TNS3: variants seen among roughly 807,000 people sequenced by gnomAD.
TNS3 encodes the protein tensin-3.
In TNS3, 45 loss-of-function variants were observed where a neutral mutation model predicts 140.9. That is an observed-to-expected ratio of 0.32 (90% CI 0.25 to 0.41). TNS3 has a LOEUF of 0.41. Ranked by LOEUF, TNS3 falls within the 10% of genes least tolerant of loss-of-function variation. The probability of loss-of-function intolerance (pLI) is 1.00; values close to 1 mark genes in which losing one functional copy is unlikely to be tolerated. For missense variants in TNS3, 1,716 were observed against 1,906.7 expected (o/e 0.90, Z 1.86); for synonymous variants, 815 against 788.4 (o/e 1.03, Z -0.56).
At chr7:47,403,735 C>T (rs1793288671) in intron 13 of TNS3, among the ~76,000 whole-genome samples, 1 of 152,232 alleles carries the variant, frequency 6.6e-6, no homozygotes, top group Non-Finnish European at 1.5e-5. Flanking sequence ...CCACCATCAA[C>T]ACAGCAGGTC....
At chr7:47,345,414 G>A (rs138278344) in intron 18 of TNS3, among the ~76,000 whole-genome samples, 2 of 152,310 alleles carry the variant, frequency 1.3e-5, no homozygotes, top group South Asian at 2.1e-4. Flanking sequence ...ATTCACAGAT[G>A]CATAAAAACA....
chr7:47,557,531 A>G (rs1478234519), intron 1 of TNS3, among the ~76,000 whole-genome samples: 1 of 152,210 alleles, frequency 6.6e-6, no homozygotes, highest in East Asian at 1.9e-4. Flanking sequence ...ACAGAAATCT[A>G]TCTTAAGTAA....
At chr7:47,338,825 T>C (rs936534062) in intron 20 of TNS3, among the ~76,000 whole-genome samples, 11 of 152,216 alleles carry the variant, frequency 7.2e-5, no homozygotes, top group African/African-American at 2.4e-4. Flanking sequence ...GTCTTTTTGG[T>C]AGAATGATTT....
intron 13 of TNS3, among the ~76,000 whole-genome samples, chr7:47,409,681 G>T (rs1036776953): frequency 1.3e-5 from 2 of 148,542 alleles, no homozygotes; most frequent in Non-Finnish European, 2.9e-5. Flanking sequence ...CCTCTGAGAC[G>T]GAGTCTCGCT....
At chr7:47,517,564 A>C (rs1779197981) in intron 2 of TNS3, among the ~76,000 whole-genome samples, 1 of 152,252 alleles carries the variant, frequency 6.6e-6, no homozygotes, top group Admixed American at 6.5e-5. Flanking sequence ...TAATTCCACC[A>C]GTATTCATTA....
At chr7:47,415,237 C>G (rs1459994589) in intron 10 of TNS3, 31 bp from the exon 11 acceptor site, 6 of 1,497,320 alleles carry the variant, frequency 4.0e-6, no homozygotes, top group Non-Finnish European at 4.6e-6. Flanking sequence ...TTACACTTCC[C>G]AGAAGTGTCT....
intron 1 of TNS3, among the ~76,000 whole-genome samples, chr7:47,559,616 G>A (rs367897438): frequency 2.9e-4 from 44 of 152,270 alleles, no homozygotes; most frequent in African/African-American, 5.8e-4. Context: ...AAGAGCCACA[G>A]GAGCCAATCT....
In TNS3 at chr7:47,350,882, G is replaced by A. The variant is rs576994190; in HGVS notation, c.2282-4526C>T. ...TATGGAACTTGAAGTGGACAAACAC[G>A]CTCCAACATTAAGTGACAAAAGACA... On this transcript the variant is annotated intron_variant, in intron 17 of 30. Coordinates refer to ENST00000311160, the MANE Select transcript of TNS3 (RefSeq NM_022748.12). Among the ~76,000 whole-genome samples, 32 of 152,284 alleles carry A rather than the reference G, an allele frequency of 2.1e-4. No individual in the cohort carries two copies. The East Asian group carries it at 4.2e-3, about 20-fold the overall frequency.
intron 10 of TNS3, among the ~76,000 whole-genome samples, chr7:47,419,490 G>A (rs1309391058): frequency 6.6e-6 from 1 of 152,188 alleles, no homozygotes; most frequent in Non-Finnish European, 1.5e-5. Flanking sequence ...CCTGGGCTTG[G>A]ACCAAACTAA....
At chr7:47,319,835 A>G (rs1358033555) in intron 20 of TNS3, among the ~76,000 whole-genome samples, 3 of 152,200 alleles carry the variant, frequency 2.0e-5, no homozygotes, top group African/African-American at 7.2e-5. Context: ...ATGTAGTTTC[A>G]GAAACTGGAA....
At chr7:47,385,016 C>A (rs982450570) in intron 16 of TNS3, among the ~76,000 whole-genome samples, 1 of 152,240 alleles carries the variant, frequency 6.6e-6, no homozygotes, top group African/African-American at 2.4e-5. Flanking sequence ...CACCTCCACT[C>A]CCCAGACTGT....
intron 1 of TNS3, among the ~76,000 whole-genome samples, chr7:47,544,583 CCAGA>C (rs1361839180): frequency 3.9e-5 from 6 of 152,218 alleles, no homozygotes; most frequent in African/African-American, 1.4e-4. Context: ...CCAGCCCTCA[CCAGA>C]CAATCTGCCA....
At chr7:47,519,854 C>G (rs1181291476) in intron 2 of TNS3, among the ~76,000 whole-genome samples, 3 of 115,408 alleles carry the variant, frequency 2.6e-5, no homozygotes, top group Non-Finnish European at 4.9e-5. Flanking sequence ...GACGGAGTCT[C>G]GCTCTGTTGC....
intron 1 of TNS3, among the ~76,000 whole-genome samples, chr7:47,565,470 G>A (rs1478431248): frequency 1.3e-5 from 2 of 150,156 alleles, no homozygotes; most frequent in Non-Finnish European, 3.0e-5. Context: ...AGGTTCAAGC[G>A]ATTCTCCTGC....
chr7:47,299,181 A>G (rs1786236751), intron 23 of TNS3, among the ~76,000 whole-genome samples: 1 of 152,224 alleles, frequency 6.6e-6, no homozygotes, highest in African/African-American at 2.4e-5. Flanking sequence ...TCTGTTGCCC[A>G]GACTGAAGTA....
chr7:47,578,174 A>C lies in TNS3; in HGVS notation c.-265+3877T>G, dbSNP rs1193991714. 2.0e-5 allele frequency among the ~76,000 whole-genome samples: 3 copies of C among 151,940 alleles called. No homozygotes were observed. The East Asian group carries it at 5.8e-4, about 29-fold the overall frequency. ...CTAAAAATACAAAAATTAGCTGGGCATGGTGGTATGCGCCTGTAATCCCAG... is the reference window on the plus strand; with the variant it reads ...CTAAAAATACAAAAATTAGCTGGGCCTGGTGGTATGCGCCTGTAATCCCAG... On this transcript the variant is annotated intron_variant, in intron 1 of 30. Transcript: ENST00000311160.
At position 47,450,979 on chromosome 7, in the gene TNS3, C is replaced by T. The variant is rs1795987946; in HGVS notation, c.-75-8924G>A. On this transcript the variant is annotated intron_variant, in intron 4 of 30. Coordinates refer to ENST00000311160, the MANE Select transcript of TNS3 (RefSeq NM_022748.12). ...TGAAACCCCGTCTCTACTAAAAATA[C>T]AAAAATTAGCCAGGTGTGGTGGCAG... Among the ~76,000 whole-genome samples, 7 of 152,228 alleles carry T rather than the reference C, an allele frequency of 4.6e-5. No homozygotes were observed. The South Asian group carries it at 1.4e-3, about 32-fold the overall frequency.
chr7:47,481,510 G>C (rs1316775129), intron 3 of TNS3: 2 of 290,956 alleles, frequency 6.9e-6, no homozygotes, highest in Non-Finnish European at 1.0e-5. Flanking sequence ...CAGAGAAGGA[G>C]GTGGAAGGCT....
intron 1 of TNS3, chr7:47,579,126 A>G (rs908875012): frequency 1.3e-5 from 2 of 151,974 alleles, no homozygotes; most frequent in African/African-American, 4.8e-5. Flanking sequence ...TGAGGAAGAG[A>G]GTAACTAAGT....
Sources: allele counts gnomAD v4.1 joint callset (sites outside exome capture counted in the v4.1 genomes callset), GRCh38; gene constraint gnomAD v4.1.1; transcripts MANE v1.5; gene names NCBI Gene and HGNC (gene_info 2026-07-23, HGNC 2026-07-21).